The following SNX4 variants were observed in gnomAD, a reference collection of about 807,000 sequenced individuals.
The protein encoded by SNX4 is sorting nexin-4.
SNX4 carries 49 observed loss-of-function variants against 70.8 expected under a neutral mutation model. The ratio of observed to expected loss-of-function variants is 0.69; its 90% confidence interval spans 0.55 to 0.88. The LOEUF (loss-of-function observed/expected upper bound fraction) is 0.88. Ranked by LOEUF, SNX4 falls within the 40% of genes least tolerant of loss-of-function variation. The pLI, the probability that SNX4 is intolerant of heterozygous loss-of-function variation, is 0.00. For missense variants in SNX4, 528 were observed against 544.8 expected (o/e 0.97, Z 0.31); for synonymous variants, 206 against 183.8 (o/e 1.12, Z -0.98).
In SNX4 at chr3:125,489,427, T is replaced by C. The variant is rs759822465; in HGVS notation, c.634A>G (p.Arg212Gly). ...SRLKALNATF[R>G]VKNPDKRFTD... ...CCTTACTTGTCTGGGTTTTTCACTC[T>C]GAATGTTGCATTAAGCGCTTTTAAC... The change falls in exon 6 of 14, where the codon AGA becomes GGA. Residue 212 changes from arginine (R) to glycine (G), a missense_variant. Arg to Gly is a moderately radical substitution (Grantham distance 125, BLOSUM62 -2). Coordinates refer to ENST00000251775, the MANE Select transcript of SNX4 (RefSeq NM_003794.4). 2.4e-5 allele frequency: 38 copies of C among 1,613,316 alleles called. No homozygotes were observed. The highest frequency in any genetic ancestry group is 3.1e-5 in the Non-Finnish European group (36 of 1,179,588).
rs1226291571 is a variant in SNX4 at position 125,458,839 on chromosome 3, A to G, written c.945-1474T>C. On this transcript the variant is annotated intron_variant, in intron 10 of 13. Coordinates refer to ENST00000251775, the MANE Select transcript of SNX4 (RefSeq NM_003794.4). ...CAAAAAAAAAAAAAAAAAAAAAAAA[A>G]AAAAAAGAAAAGAAAAGATTCTAAT... Among the ~76,000 whole-genome samples, 7 of 112,130 alleles carry G rather than the reference A, an allele frequency of 6.2e-5. No homozygotes were observed. The East Asian group carries it at 1.3e-3, about 21-fold the overall frequency. The allele number at this position is 112,130 out of a possible 152,430, so 73.6% of individuals were successfully genotyped here.
chr3:125,489,174 C>T (rs942351671), intron 6 of SNX4, among the ~76,000 whole-genome samples: 5 of 152,260 alleles, frequency 3.3e-5, no homozygotes, highest in Middle Eastern at 3.4e-3. Flanking sequence ...CAACACTTAA[C>T]AAACCCTTCT....
intron 6 of SNX4, among the ~76,000 whole-genome samples, chr3:125,480,904 C>T (rs921265450): frequency 1.3e-5 from 2 of 152,182 alleles, no homozygotes; most frequent in South Asian, 2.1e-4. Flanking sequence ...TCCCATCTAA[C>T]GCTCTAGATT....
At chr3:125,484,137 G>C (rs1461700767) in intron 6 of SNX4, among the ~76,000 whole-genome samples, 1 of 152,190 alleles carries the variant, frequency 6.6e-6, no homozygotes, top group Non-Finnish European at 1.5e-5. Context: ...ACTCTGATAA[G>C]ACTCTAGTTT....
chr3:125,461,220 T>C lies in SNX4; in HGVS notation c.855-360A>G, dbSNP rs374371965. The stretch of plus-strand genomic sequence containing the variant: ...CAGCCTGGGTGACACAGCAAGACTC[T>C]GTCTCAAAAACAAACAGACAAACAA... On this transcript the variant is annotated intron_variant, in intron 9 of 13. Transcript: ENST00000251775. 5.3e-5 allele frequency among the ~76,000 whole-genome samples: 8 copies of C among 152,232 alleles called. 1 individual carries two copies. The highest frequency in any genetic ancestry group is 6.5e-5 in the Admixed American group (1 of 15,276).
At chr3:125,501,619 TAAAAA>T (rs79800894) in intron 2 of SNX4, among the ~76,000 whole-genome samples, 1 of 133,746 alleles carries the variant, frequency 7.5e-6, no homozygotes, top group African/African-American at 2.8e-5. Flanking sequence ...GACTCCACCT[TAAAAA>T]AAAAAAAAAA....
rs142123742 is a variant in SNX4 at position 125,518,335 on chromosome 3, A to G, written c.141+1697T>C. The stretch of plus-strand genomic sequence containing the variant: ...AACTTAGCCAGGTGTGGTGGCATGC[A>G]TCTGTAGTCCCAGCTACTCAGGAGG... On this transcript the variant is annotated intron_variant, in intron 1 of 13. Transcript: ENST00000251775. Among the ~76,000 whole-genome samples, 5 of 151,832 alleles carry G rather than the reference A, an allele frequency of 3.3e-5. No homozygotes were observed. The East Asian group carries it at 9.8e-4, about 30-fold the overall frequency.
At chr3:125,504,456 C>G (rs934306773) in intron 2 of SNX4, among the ~76,000 whole-genome samples, 167 bp downstream of exon 2, 1 of 151,974 alleles carries the variant, frequency 6.6e-6, no homozygotes, top group East Asian at 1.9e-4. Flanking sequence ...TGCACTCCAG[C>G]CCAGGCAACA....
chr3:125,453,933 T>C lies in SNX4; in HGVS notation c.1067A>G (p.Lys356Arg). The C allele has an allele frequency of 6.2e-7, 1 of 1,613,392 alleles. No individual in the cohort carries two copies. ...VTGTVRTFSLKGMTTKLFGQE... is the reference protein window; with the variant it reads ...VTGTVRTFSLRGMTTKLFGQE... ...ACCAAAGAGCTTGGTAGTCATTCCC[T>C]TCAAAGAGAATGTTCTCACAGTCTA... Residue 356 changes from lysine to arginine, a missense_variant, in exon 12 of 14, where the codon AAG (lysine) becomes AGG (arginine). Transcript: ENST00000251775.
At chr3:125,471,781 T>C (rs939824030) in intron 8 of SNX4, among the ~76,000 whole-genome samples, 3 of 152,246 alleles carry the variant, frequency 2.0e-5, no homozygotes, top group African/African-American at 7.2e-5. Context: ...AGTCCATTTC[T>C]GCACAGGTGG....
intron 1 of SNX4, among the ~76,000 whole-genome samples, chr3:125,507,951 TATAAAA>T (rs1935086914): frequency 6.6e-6 from 1 of 151,876 alleles, no homozygotes; most frequent in African/African-American, 2.4e-5. Context: ...AAAATGAAAT[TATAAAA>T]ATAAGTCCAT....
chr3:125,490,837 A>G (rs78248173), intron 5 of SNX4, among the ~76,000 whole-genome samples: 7,299 of 152,040 alleles, frequency 0.048, 415 homozygotes, highest in African/African-American at 0.13. Flanking sequence ...TAGAAGAACT[A>G]TTAGGGTTCA....
intron 4 of SNX4, 61 bp downstream of exon 4, chr3:125,497,773 A>AT (rs1231281459): frequency 3.5e-5 from 43 of 1,217,106 alleles, no homozygotes; most frequent in Non-Finnish European, 4.5e-5. Context: ...GTATTCTACA[A>AT]TTTTTTTAAG....
intron 8 of SNX4, among the ~76,000 whole-genome samples, chr3:125,475,646 T>C (rs1462066833): frequency 1.3e-5 from 2 of 152,192 alleles, no homozygotes; most frequent in African/African-American, 4.8e-5. Context: ...ATTATAGGCA[T>C]GAGCCACCAC....
chr3:125,478,582 G>T (rs1423032086), intron 7 of SNX4, among the ~76,000 whole-genome samples: 1 of 151,942 alleles, frequency 6.6e-6, no homozygotes. Flanking sequence ...ATCTTACAGG[G>T]TTAGCATTCC....
intron 8 of SNX4, among the ~76,000 whole-genome samples, chr3:125,472,955 C>CA (rs961989295): frequency 1.3e-5 from 2 of 151,750 alleles, no homozygotes; most frequent in Non-Finnish European, 2.9e-5. Flanking sequence ...AGCCTCTTCT[C>CA]AAAAAAGTCT....
At chr3:125,505,940 A>C (rs1357988235) in intron 1 of SNX4, among the ~76,000 whole-genome samples, 3 of 152,170 alleles carry the variant, frequency 2.0e-5, no homozygotes, top group Non-Finnish European at 4.4e-5. Context: ...TTCAAAAGAA[A>C]AAATTGGACA....
chr3:125,452,603 A>G (rs1168732297), intron 12 of SNX4, among the ~76,000 whole-genome samples: 1 of 151,888 alleles, frequency 6.6e-6, no homozygotes, highest in African/African-American at 2.4e-5. Context: ...AAATAATAAT[A>G]AAAATTAAAA....
intron 1 of SNX4, among the ~76,000 whole-genome samples, chr3:125,513,855 A>G (rs1197991351): frequency 1.3e-5 from 2 of 152,226 alleles, no homozygotes; most frequent in Non-Finnish European, 2.9e-5. Context: ...TCAGGCTGCT[A>G]TAACAAATGA....
Sources: gnomAD v4.1 joint callset for allele counts (sites outside exome capture counted in the v4.1 genomes callset) on GRCh38, gnomAD v4.1.1 for gene constraint, MANE v1.5 for transcripts, NCBI Gene and HGNC (gene_info 2026-07-23, HGNC 2026-07-21) for gene names.